The following VEPH1 variants were observed in gnomAD, a reference collection of about 807,000 sequenced individuals.
VEPH1 encodes ventricular zone expressed PH domain containing 1.
Under a neutral mutation model 85.2 loss-of-function variants are expected in VEPH1, and 80 were observed. That is an observed-to-expected ratio of 0.94 (90% CI 0.78 to 1.13). VEPH1 has a LOEUF of 1.13. Ranked by LOEUF, VEPH1 falls within the 50% of genes most tolerant of loss-of-function variation. VEPH1 has a pLI of 0.00. For synonymous variants in VEPH1, 297 were observed against 348.0 expected, an observed-to-expected ratio of 0.85 and a Z score of 1.63; for missense variants, 955 against 980.5, an observed-to-expected ratio of 0.97 and a Z score of 0.35.
At chr3:157,365,545 A>C (rs765271267) in intron 7 of VEPH1, among the ~76,000 whole-genome samples, 1 of 152,116 alleles carries the variant, frequency 6.6e-6, no homozygotes, top group East Asian at 1.9e-4. Context: ...CAGACTCCAC[A>C]GATGGCCCCC....
At chr3:157,362,643 C>T (rs1178702133) in intron 9 of VEPH1, among the ~76,000 whole-genome samples, 3 of 152,114 alleles carry the variant, frequency 2.0e-5, no homozygotes, top group Non-Finnish European at 4.4e-5. Context: ...ACTTTCAGTA[C>T]AGCATTCAAT....
At chr3:157,352,916 G>A (rs1725017375) in intron 9 of VEPH1, among the ~76,000 whole-genome samples, 2 of 152,136 alleles carry the variant, frequency 1.3e-5, no homozygotes, top group African/African-American at 4.8e-5. Flanking sequence ...TGTTTGCAGG[G>A]CAGGTAAAGG....
chr3:157,283,444 CTACAT>C (rs1716393694), intron 12 of VEPH1, among the ~76,000 whole-genome samples: 2 of 152,154 alleles, frequency 1.3e-5, no homozygotes, highest in African/African-American at 4.8e-5. Context: ...GTCAGGGCCT[CTACAT>C]TATTTTAGCA....
intron 3 of VEPH1, among the ~76,000 whole-genome samples, chr3:157,463,831 T>C (rs1474988923): frequency 6.6e-6 from 1 of 152,108 alleles, no homozygotes; most frequent in African/African-American, 2.4e-5. Flanking sequence ...AACTAGAGTG[T>C]CCACTCATGG....
chr3:157,479,672 G>A (rs1737832700), intron 2 of VEPH1, among the ~76,000 whole-genome samples: 1 of 152,194 alleles, frequency 6.6e-6, no homozygotes, highest in Admixed American at 6.5e-5. Flanking sequence ...TTAAGAACAT[G>A]GACTGCATCA....
At chr3:157,395,208 G>T (rs566507230) in intron 6 of VEPH1, among the ~76,000 whole-genome samples, 10 of 152,318 alleles carry the variant, frequency 6.6e-5, no homozygotes, top group African/African-American at 2.4e-4. Context: ...ACTCTTGGCA[G>T]AAGAATTGCA....
intron 6 of VEPH1, among the ~76,000 whole-genome samples, chr3:157,402,969 T>C (rs1730884292): frequency 6.6e-6 from 1 of 152,184 alleles, no homozygotes; most frequent in Non-Finnish European, 1.5e-5. Context: ...TCTGTTCATG[T>C]AAACCAGTAC....
At chr3:157,447,886 C>T (rs867008339) in intron 4 of VEPH1, among the ~76,000 whole-genome samples, 5 of 152,186 alleles carry the variant, frequency 3.3e-5, no homozygotes, top group East Asian at 1.9e-4. Context: ...TGAGCCACAG[C>T]GCCTAGCCTG....
chr3:157,477,737 T>C (rs1258670659), intron 2 of VEPH1, among the ~76,000 whole-genome samples: 1 of 152,138 alleles, frequency 6.6e-6, no homozygotes, highest in Non-Finnish European at 1.5e-5. Context: ...GTAAATGGAA[T>C]AGCTATGGTG....
upstream of VEPH1, chr3:157,503,451 T>G (rs999828892): frequency 5.3e-5 from 8 of 152,166 alleles, no homozygotes; most frequent in African/African-American, 1.9e-4. Context: ...GTACATTTCA[T>G]TCCCTCCCCA....
At chr3:157,442,098 A>G (rs1734168605) in intron 4 of VEPH1, among the ~76,000 whole-genome samples, 1 of 152,070 alleles carries the variant, frequency 6.6e-6, no homozygotes, top group East Asian at 1.9e-4. Context: ...GGCTTTTATT[A>G]TTTTGTGGGT....
chr3:157,404,105 A>G (rs1730976364), intron 6 of VEPH1, among the ~76,000 whole-genome samples: 1 of 152,098 alleles, frequency 6.6e-6, no homozygotes. Flanking sequence ...GACCTCCTCA[A>G]ACACAACCTG....
At chr3:157,409,571 A>C in intron 6 of VEPH1, 2 of 954,812 alleles carry the variant, frequency 2.1e-6, no homozygotes, top group South Asian at 4.8e-5. Context: ...AGAGAAAATA[A>C]GAATCTGTAG....
At chr3:157,329,181 T>G (rs1722241333) in intron 9 of VEPH1, among the ~76,000 whole-genome samples, 1 of 152,372 alleles carries the variant, frequency 6.6e-6, no homozygotes, top group Non-Finnish European at 1.5e-5. Flanking sequence ...AATTTGCTTT[T>G]GGTATTTATT....
At chr3:157,407,502 A>G (rs1266214355) in intron 6 of VEPH1, among the ~76,000 whole-genome samples, 2 of 152,208 alleles carry the variant, frequency 1.3e-5, no homozygotes, top group African/African-American at 4.8e-5. Context: ...AAAAATTTAC[A>G]TACACCAGTT....
intron 6 of VEPH1, among the ~76,000 whole-genome samples, chr3:157,398,675 G>A (rs1730600812): frequency 6.6e-6 from 1 of 151,232 alleles, no homozygotes; most frequent in Admixed American, 6.6e-5. Flanking sequence ...AGATGATAGA[G>A]CCTTGCTCTA....
intron 5 of VEPH1, among the ~76,000 whole-genome samples, chr3:157,418,566 T>A (rs1222933156): frequency 6.6e-6 from 1 of 152,196 alleles, no homozygotes; most frequent in Non-Finnish European, 1.5e-5. Context: ...AAATCATGAA[T>A]AAATTCCCAT....
intron 11 of VEPH1, among the ~76,000 whole-genome samples, chr3:157,292,110 C>T (rs79121566): frequency 6.6e-6 from 1 of 152,118 alleles, no homozygotes; most frequent in South Asian, 2.1e-4. Flanking sequence ...TTTTTCAGAT[C>T]GTCTGTTCAG....
intron 4 of VEPH1, among the ~76,000 whole-genome samples, chr3:157,430,160 T>C (rs942726140): frequency 4.6e-5 from 7 of 152,154 alleles, no homozygotes; most frequent in Admixed American, 2.0e-4. Context: ...GATAATTGCT[T>C]TTCATCCCAT....
Sources: gnomAD v4.1 joint callset for allele counts (sites outside exome capture counted in the v4.1 genomes callset) on GRCh38, gnomAD v4.1.1 for gene constraint, MANE v1.5 for transcripts, NCBI Gene and HGNC (gene_info 2026-07-23, HGNC 2026-07-21) for gene names.